Variants in SUN1 observed in about 807,000 individuals in gnomAD.
The protein encoded by SUN1 is SUN domain-containing protein 1.
In SUN1, 61 loss-of-function variants were observed where a neutral mutation model predicts 103.2. The ratio of observed to expected loss-of-function variants is 0.59; its 90% CI spans 0.48 to 0.73. The LOEUF (loss-of-function observed/expected upper bound fraction) is 0.73. Among genes scored for constraint, SUN1 ranks in the 30% least tolerant of loss-of-function variants. The pLI, the probability that SUN1 is intolerant of heterozygous loss-of-function variation, is 0.00. For synonymous variants in SUN1, 490 were observed against 425.7 expected (o/e 1.15, Z -1.86); for missense variants, 1,052 against 1,034.6 (o/e 1.02, Z -0.23).
intron 1 of SUN1, among the ~76,000 whole-genome samples, chr7:824,674 G>A (rs184139650): frequency 3.9e-5 from 6 of 152,274 alleles, no homozygotes; most frequent in Admixed American, 1.3e-4. Flanking sequence ...GGTAGAAGTC[G>A]TCGTTTTCTT....
chr7:873,508 G>T lies in SUN1; in HGVS notation c.*177G>T, dbSNP rs1363378660. On this transcript the variant is annotated 3_prime_UTR_variant, in exon 19 of 19. Transcript: ENST00000401592. ...CGGGCGCCTTGGCGCCACCTGTTGGGTGCTCACTGCCTCTGCAGGTGCAGA... is the reference window on the plus strand; with the variant it reads ...CGGGCGCCTTGGCGCCACCTGTTGGTTGCTCACTGCCTCTGCAGGTGCAGA... The T allele has an allele frequency of 1.6e-6, 1 of 629,122 alleles. No homozygotes were observed. Among genetic ancestry groups the T allele is most frequent in the South Asian group, 2.0e-5 (1 of 50,642 alleles). 39.0% of individuals were successfully genotyped at this position (629,122 alleles called of 1,614,324 possible).
At chr7:846,597 G>A (rs576088651) in intron 5 of SUN1, among the ~76,000 whole-genome samples, 90 of 152,204 alleles carry the variant, frequency 5.9e-4, no homozygotes, top group African/African-American at 1.9e-3. Flanking sequence ...AAAATAGGCT[G>A]GGTACTGTGG....
intron 16 of SUN1, chr7:868,461 C>A: frequency 3.4e-6 from 1 of 297,170 alleles, no homozygotes; most frequent in Non-Finnish European, 6.6e-6. Flanking sequence ...TTTCCCAGGG[C>A]ATCAGCAGCT....
chr7:866,784 C>T (rs1837306091), intron 16 of SUN1, among the ~76,000 whole-genome samples: 1 of 140,020 alleles, frequency 7.1e-6, no homozygotes, highest in Admixed American at 7.0e-5. Flanking sequence ...CACCCCTCCC[C>T]GCCCCCTTCT....
chr7:869,100 A>G, intron 16 of SUN1: 1 of 507,748 alleles, frequency 2.0e-6, no homozygotes, highest in Non-Finnish European at 3.5e-6. Context: ...AGTATGTTGT[A>G]TGTCTCACCC....
At chr7:826,029 A>AG (rs1340878316) in intron 1 of SUN1, among the ~76,000 whole-genome samples, 1 of 152,156 alleles carries the variant, frequency 6.6e-6, no homozygotes, top group African/African-American at 2.4e-5. Context: ...GCTTGAGGCC[A>AG]GGAGTTCAAG....
rs151212608 is a variant in SUN1, at chr7:854,259, G to A, written c.1263+641G>A. Among the ~76,000 whole-genome samples, 332 of 152,368 alleles carry A rather than the reference G, an allele frequency of 2.2e-3. 4 individuals are homozygous for A. Among genetic ancestry groups the A allele is most frequent in the African/African-American group, 7.3e-3 (305 of 41,592 alleles). On this transcript the variant is annotated intron_variant, in intron 10 of 18. Transcript: ENST00000401592. ...ACGTGCCTGTGGGTGTGATCATGGCGGCGACTGGAACGCAGAGCAGGGCTT... is the reference window on the plus strand; with the variant it reads ...ACGTGCCTGTGGGTGTGATCATGGCAGCGACTGGAACGCAGAGCAGGGCTT...
chr7:860,077 G>A (rs758417440), intron 13 of SUN1, 51 bp from the exon 14 acceptor site: 11 of 1,599,198 alleles, frequency 6.9e-6, no homozygotes, highest in Non-Finnish European at 2.6e-6. Context: ...CCGAACAGTG[G>A]AAGTGATTTA....
chr7:856,598 C>T (rs927743789), intron 12 of SUN1, among the ~76,000 whole-genome samples, 197 bp downstream of exon 12: 1 of 152,188 alleles, frequency 6.6e-6, no homozygotes, highest in Non-Finnish European at 1.5e-5. Context: ...TGCCACATCC[C>T]CCTCCACGCG....
At chr7:842,826 C>A (rs774273178) in intron 3 of SUN1, 18 of 348,848 alleles carry the variant, frequency 5.2e-5, no homozygotes, top group Non-Finnish European at 7.6e-5. Context: ...GGTGTTTGTT[C>A]TGTTTTGCTC....
intron 5 of SUN1, chr7:849,693 G>A (rs763295229): frequency 3.6e-6 from 5 of 1,390,698 alleles, no homozygotes; most frequent in East Asian, 2.4e-5. Flanking sequence ...AGAATGAACG[G>A]CCCGTGTGAC....
Position 868,987 on chromosome 7 carries a change from G to T in SUN1, c.1981-362G>T, listed in dbSNP as rs56669816. 359 of 316,736 alleles carry T rather than the reference G, an allele frequency of 1.1e-3. 8 individuals are homozygous for T. The East Asian group carries it at 0.023, about 20-fold the overall frequency. The allele number at this position is 316,736 out of a possible 1,614,324, so 19.6% of individuals were successfully genotyped here. A position where few individuals can be genotyped will look rare whatever the true frequency, so the allele number is the denominator to read the frequency against. ...TGGTTCCCTGTGGTGTTGGTCGGAT[G>T]GGGGGACAGTGCTGGTTCCCTGTGG... is the stretch of plus-strand genomic sequence containing the variant. On this transcript the variant is annotated intron_variant, in intron 16 of 18. Transcript: ENST00000401592.
At chr7:824,883 G>GA (rs1790024121) in intron 1 of SUN1, among the ~76,000 whole-genome samples, 1 of 152,128 alleles carries the variant, frequency 6.6e-6, no homozygotes, top group South Asian at 2.1e-4. Context: ...TCCGCTGGCT[G>GA]GGTGCTCCAG....
chr7:845,205 C>T (rs533785391), intron 5 of SUN1, among the ~76,000 whole-genome samples: 52 of 152,318 alleles, frequency 3.4e-4, no homozygotes, highest in African/African-American at 1.3e-3. Flanking sequence ...GGCCCAAGCT[C>T]AGCCTTGCGT....
In SUN1 at chr7:873,591, T is replaced by TA. The variant is rs1843050046; in HGVS notation, c.*262dup. 1 of 401,708 alleles carries TA rather than the reference T, an allele frequency of 2.5e-6. No homozygotes were observed. Among genetic ancestry groups the TA allele is most frequent in the African/African-American group, 2.0e-5 (1 of 48,946 alleles). 24.9% of individuals were successfully genotyped at this position (401,708 alleles called of 1,614,324 possible). A position where few individuals can be genotyped will look rare whatever the true frequency, so the allele number is the denominator to read the frequency against. ...GTGGCTCTCAGACACTCCTTGTTTT[T>TA]AACGGGAAGCTCTTTGCATTTGCAT... On this transcript the variant is annotated 3_prime_UTR_variant, in exon 19 of 19. Coordinates refer to ENST00000401592, the MANE Select transcript of SUN1 (RefSeq NM_001130965.3).
At position 874,406 on chromosome 7, in the gene SUN1, A is replaced by G. The variant is rs1843318596; in HGVS notation, c.*1075A>G. 6.5e-6 allele frequency: 1 copy of G among 152,708 alleles called. No individual in the cohort carries two copies. Among genetic ancestry groups the G allele is most frequent in the African/African-American group, 2.4e-5 (1 of 41,470 alleles). The allele number at this position is 152,708 out of a possible 1,614,324, so 9.5% of individuals were successfully genotyped here. ...AGCAGACTTTATAAATGAGATATCTACAAGGCACTTAAAGTGTTACAGATG... is the reference window on the plus strand; with the variant it reads ...AGCAGACTTTATAAATGAGATATCTGCAAGGCACTTAAAGTGTTACAGATG... On this transcript the variant is annotated 3_prime_UTR_variant, in exon 19 of 19. Transcript: ENST00000401592.
chr7:851,865 G>T (rs1822526585), intron 6 of SUN1, 85 bp from the exon 7 acceptor site: 2 of 1,400,340 alleles, frequency 1.4e-6, no homozygotes, highest in Non-Finnish European at 2.0e-6. Flanking sequence ...TGTGCTTCTA[G>T]CTTGGCCTTC....
chr7:849,246 G>A (rs7792542), intron 5 of SUN1, among the ~76,000 whole-genome samples: 67,404 of 152,178 alleles, frequency 0.44, 14,993 homozygotes, highest in East Asian at 0.5. Context: ...GAGCAACTGC[G>A]CCCAACCCAG....
At chr7:854,095 G>A (rs1324867929) in intron 10 of SUN1, among the ~76,000 whole-genome samples, 12 of 152,218 alleles carry the variant, frequency 7.9e-5, no homozygotes, top group African/African-American at 2.7e-4. Context: ...TGCTTCAGAG[G>A]ATGCCTTCTC....
Sources: allele counts gnomAD v4.1 joint callset (sites outside exome capture counted in the v4.1 genomes callset), GRCh38; gene constraint gnomAD v4.1.1; transcripts MANE v1.5; gene names NCBI Gene and HGNC (gene_info 2026-07-23, HGNC 2026-07-21).